Variants in CTNNA3 observed in about 807,000 individuals in gnomAD.
The protein encoded by CTNNA3 is catenin alpha-3.
CTNNA3 carries 76 observed loss-of-function variants against 95.7 expected under a neutral mutation model. The observed-to-expected ratio is 0.79, with a 90% confidence interval of 0.66 to 0.96. CTNNA3 has a LOEUF of 0.96. CTNNA3 is among the 40% of genes least tolerant of loss of function. The pLI is 0.00. For synonymous variants in CTNNA3, 431 were observed against 374.4 expected, an observed-to-expected ratio of 1.15 and a Z score of -1.74; for missense variants, 1,191 against 1,089.8, an observed-to-expected ratio of 1.09 and a Z score of -1.31.
At chr10:66,553,348 A>C (rs186732032) in intron 10 of CTNNA3, among the ~76,000 whole-genome samples, 1 of 151,548 alleles carries the variant, frequency 6.6e-6, no homozygotes, top group Non-Finnish European at 1.5e-5. Context: ...GTCCTACCAA[A>C]TATATGTTTA....
At chr10:66,199,925 T>C (rs1410025731) in intron 13 of CTNNA3, among the ~76,000 whole-genome samples, 2 of 146,572 alleles carry the variant, frequency 1.4e-5, no homozygotes, top group African/African-American at 2.6e-5. Context: ...GTGCTGGGAT[T>C]ACAGGTGTGA....
intron 10 of CTNNA3, among the ~76,000 whole-genome samples, chr10:66,562,747 G>C (rs1296393486): frequency 6.6e-6 from 1 of 151,674 alleles, no homozygotes; most frequent in East Asian, 1.9e-4. Flanking sequence ...TTGTAAAATA[G>C]TCTAATAACT....
chr10:67,496,634 G>A (rs1464795673), intron 5 of CTNNA3, among the ~76,000 whole-genome samples: 1 of 152,114 alleles, frequency 6.6e-6, no homozygotes, highest in Non-Finnish European at 1.5e-5. Flanking sequence ...ATAATTTTGA[G>A]AGCATGGTTA....
At chr10:67,020,048 G>C (rs1852904521) in intron 7 of CTNNA3, among the ~76,000 whole-genome samples, 1 of 147,764 alleles carries the variant, frequency 6.8e-6, no homozygotes, top group Non-Finnish European at 1.5e-5. Context: ...AAGAAGTACA[G>C]TAGTTTAGAT....
chr10:66,739,401 A>G (rs2132691502), intron 9 of CTNNA3, among the ~76,000 whole-genome samples: 1 of 152,282 alleles, frequency 6.6e-6, no homozygotes, highest in South Asian at 2.1e-4. Context: ...ACTTACAGCA[A>G]TTCTTCCAAG....
intron 9 of CTNNA3, among the ~76,000 whole-genome samples, chr10:66,659,013 A>G (rs1846163855): frequency 6.6e-6 from 1 of 152,064 alleles, no homozygotes; most frequent in Non-Finnish European, 1.5e-5. Context: ...AGTCATATTC[A>G]TTCATTTATT....
At chr10:66,367,861 TAA>T (rs1417571515) in intron 12 of CTNNA3, among the ~76,000 whole-genome samples, 42 of 43,010 alleles carry the variant, frequency 9.8e-4, no homozygotes, top group Non-Finnish European at 1.5e-3. Context: ...ATAATAATAA[TAA>T]TAATAATAAT....
chr10:67,727,163 A>G (rs1228706985), intron 1 of CTNNA3, among the ~76,000 whole-genome samples: 1 of 122,632 alleles, frequency 8.2e-6, no homozygotes, highest in Non-Finnish European at 1.6e-5. Context: ...AATTATATAT[A>G]ATATATGATA....
rs1428224544 is a variant in CTNNA3, at chr10:67,716,756, A to G, written c.-2+46678T>C. ...TTTGGGTTAGTTCCAAGTCTTTGCTATTGTGAATAGCGCTGCAATAAACAT... is the reference window on the plus strand; with the variant it reads ...TTTGGGTTAGTTCCAAGTCTTTGCTGTTGTGAATAGCGCTGCAATAAACAT... On this transcript the variant is annotated intron_variant, in intron 1 of 17. Transcript: ENST00000684154. 2.0e-5 allele frequency among the ~76,000 whole-genome samples: 3 copies of G among 152,108 alleles called. No individual in the cohort carries two copies. The East Asian group carries it at 5.8e-4, about 29-fold the overall frequency.
intron 16 of CTNNA3, among the ~76,000 whole-genome samples, chr10:65,970,275 G>T (rs567618416): frequency 1.3e-5 from 2 of 152,122 alleles, no homozygotes; most frequent in South Asian, 4.1e-4. Context: ...ACCTTTAAGA[G>T]AATTCTAAAC....
intron 7 of CTNNA3, among the ~76,000 whole-genome samples, chr10:66,863,981 G>A (rs552164269): frequency 6.6e-6 from 1 of 152,174 alleles, no homozygotes; most frequent in African/African-American, 2.4e-5. Context: ...TGTTTATTTT[G>A]TGTCAATTTC....
intron 7 of CTNNA3, among the ~76,000 whole-genome samples, chr10:66,875,987 C>T (rs1844606643): frequency 6.6e-6 from 1 of 152,138 alleles, no homozygotes; most frequent in Non-Finnish European, 1.5e-5. Flanking sequence ...CCAAAGGTTA[C>T]ATCAAGCAGG....
intron 1 of CTNNA3, among the ~76,000 whole-genome samples, chr10:67,654,159 C>T (rs1839955787): frequency 6.6e-6 from 1 of 152,206 alleles, no homozygotes; most frequent in African/African-American, 2.4e-5. Flanking sequence ...CCACCTCCAC[C>T]ACCTCCTTCT....
At chr10:66,827,203 C>T (rs1842546264) in intron 7 of CTNNA3, among the ~76,000 whole-genome samples, 1 of 152,154 alleles carries the variant, frequency 6.6e-6, no homozygotes, top group Non-Finnish European at 1.5e-5. Flanking sequence ...TCTTTTCCTC[C>T]ACTGCTGACT....
chr10:66,045,666 T>C (rs774652262), intron 15 of CTNNA3, among the ~76,000 whole-genome samples: 13 of 152,176 alleles, frequency 8.5e-5, no homozygotes, highest in Non-Finnish European at 4.4e-5. Context: ...CTAGAGCAGA[T>C]AAGAATATTG....
At chr10:66,979,526 T>A (rs1850289777) in intron 7 of CTNNA3, among the ~76,000 whole-genome samples, 1 of 152,124 alleles carries the variant, frequency 6.6e-6, no homozygotes, top group Non-Finnish European at 1.5e-5. Flanking sequence ...ACTCAGGCAC[T>A]AACTTGGGGG....
At chr10:67,431,678 A>G (rs538896247) in intron 5 of CTNNA3, among the ~76,000 whole-genome samples, 2 of 152,118 alleles carry the variant, frequency 1.3e-5, no homozygotes, top group East Asian at 3.9e-4. Context: ...TTCTTATTAT[A>G]TTAAATACCC....
chr10:66,484,684 C>T (rs908623706), intron 11 of CTNNA3, among the ~76,000 whole-genome samples: 5 of 151,792 alleles, frequency 3.3e-5, no homozygotes, highest in East Asian at 1.9e-4. Flanking sequence ...AATCAGTAAC[C>T]GAAAACCTCC....
chr10:66,375,229 G>GAA (rs541587849), intron 12 of CTNNA3, among the ~76,000 whole-genome samples: 1 of 110,034 alleles, frequency 9.1e-6, no homozygotes. Flanking sequence ...GCCCACATCA[G>GAA]AAAAAAAAAA....
Sources: gnomAD v4.1 joint callset for allele counts (sites outside exome capture counted in the v4.1 genomes callset) on GRCh38, gnomAD v4.1.1 for gene constraint, MANE v1.5 for transcripts, NCBI Gene and HGNC (gene_info 2026-07-23, HGNC 2026-07-21) for gene names.